Variants in CYLD observed in about 807,000 individuals in gnomAD.
CYLD encodes the protein CYLD lysine 63 deubiquitinase, also known as ubiquitin carboxyl-terminal hydrolase CYLD.
In CYLD, 26 loss-of-function variants were observed where a neutral mutation model predicts 104.5. That is an observed-to-expected ratio of 0.25 (90% CI 0.18 to 0.35). The LOEUF is 0.35. Ranked by LOEUF, CYLD falls within the 10% of genes least tolerant of loss-of-function variation. CYLD has a pLI of 1.00. For missense variants in CYLD, 703 were observed against 1,136.1 expected, an observed-to-expected ratio of 0.62 and a Z score of 5.48; for synonymous variants, 385 against 399.9, an observed-to-expected ratio of 0.96 and a Z score of 0.45.
At chr16:50,756,434 A>G (rs969885105) in intron 5 of CYLD, among the ~76,000 whole-genome samples, 1 of 152,232 alleles carries the variant, frequency 6.6e-6, no homozygotes, top group Non-Finnish European at 1.5e-5. Context: ...TTGATCAGGG[A>G]TCAGGACTCT....
chr16:50,760,651 C>G (rs1027670859), intron 5 of CYLD, among the ~76,000 whole-genome samples: 1 of 152,058 alleles, frequency 6.6e-6, no homozygotes, highest in African/African-American at 2.4e-5. Flanking sequence ...GTATAATTTT[C>G]CATTGTACGG....
rs555603514 is a variant in CYLD, at chr16:50,799,656, T to C, written c.*3148T>C. 1.2e-3 allele frequency: 275 copies of C among 233,538 alleles called. No homozygotes were observed. The highest frequency in any genetic ancestry group is 1.8e-3 in the Non-Finnish European group (217 of 117,966). 14.5% of individuals were successfully genotyped at this position (233,538 alleles called of 1,614,324 possible). A position where few individuals can be genotyped will look rare whatever the true frequency, so the allele number is the denominator to read the frequency against. On this transcript the variant is annotated 3_prime_UTR_variant, in exon 19 of 19. Transcript: ENST00000427738. ...AGATTTTGAGAACAAGGGGGAGAGA[T>C]AGTATGGAAGATTAAGATTCCATTA...
chr16:50,743,695 T>G (rs1965916762), intron 2 of CYLD, among the ~76,000 whole-genome samples: 1 of 152,212 alleles, frequency 6.6e-6, no homozygotes, highest in South Asian at 2.1e-4. Context: ...AAATTAGTTT[T>G]TTTTTCATTG....
rs1723289658 is a variant in CYLD at position 50,749,722 on chromosome 16, AG to A, written c.25del (p.Glu9LysfsTer38). 1 of 1,613,710 alleles carries A rather than the reference AG, an allele frequency of 6.2e-7. No homozygotes were observed. The highest frequency in any genetic ancestry group is 1.3e-5 in the African/African-American group (1 of 74,944). On this transcript the variant is annotated frameshift_variant, in exon 3 of 19. Coordinates refer to ENST00000427738, the MANE Select transcript of CYLD (RefSeq NM_001378743.1). LOFTEE classifies it high-confidence loss of function. MSSGLWSQ[E>X]KVTSPYWEER... ...CAATGAGTTCAGGCTTATGGAGCCA[AG>A]AAAAAGTCACTTCACCCTACTGGGA...
intron 5 of CYLD, among the ~76,000 whole-genome samples, chr16:50,772,570 G>A (rs1969267411): frequency 6.6e-6 from 1 of 152,284 alleles, no homozygotes; most frequent in South Asian, 2.1e-4. Context: ...TTTTATGCAT[G>A]TACCATAATT....
chr16:50,751,992 A>T (rs1308258931), intron 4 of CYLD, 86 bp downstream of exon 4: 1 of 99,920 alleles, frequency 1.0e-5, no homozygotes. Context: ...ATATATATAC[A>T]CACATATATA....
chr16:50,750,932 C>T (rs192602939), intron 3 of CYLD, among the ~76,000 whole-genome samples: 17 of 151,964 alleles, frequency 1.1e-4, no homozygotes, highest in African/African-American at 3.1e-4. Flanking sequence ...TTATTTCTAC[C>T]GGAAGGAGAC....
chr16:50,763,101 C>T (rs867502724), intron 5 of CYLD, among the ~76,000 whole-genome samples: 1 of 152,180 alleles, frequency 6.6e-6, no homozygotes. Context: ...CTGGACATTT[C>T]ATTTAAATGG....
chr16:50,753,069 C>G (rs1229078505), intron 4 of CYLD, among the ~76,000 whole-genome samples: 1 of 152,118 alleles, frequency 6.6e-6, no homozygotes, highest in Non-Finnish European at 1.5e-5. Context: ...CTCAGGTATA[C>G]TTTTTGGTTG....
chr16:50,782,221 A>C (rs1970289239), intron 10 of CYLD, 104 bp from the exon 11 acceptor site: 1 of 1,020,656 alleles, frequency 9.8e-7, no homozygotes, highest in Non-Finnish European at 1.4e-6. Context: ...ATTTTGCATC[A>C]AAATACAAAA....
chr16:50,754,875 G>GTGTA (rs1555505251), intron 5 of CYLD, among the ~76,000 whole-genome samples: 19 of 147,266 alleles, frequency 1.3e-4, no homozygotes, highest in African/African-American at 4.8e-4. Context: ...ACACACATAT[G>GTGTA]TATATATATA....
intron 5 of CYLD, among the ~76,000 whole-genome samples, chr16:50,769,662 G>A (rs1031824632): frequency 1.3e-5 from 2 of 152,088 alleles, no homozygotes; most frequent in Admixed American, 1.3e-4. Flanking sequence ...TTTTCCCAGC[G>A]GTAACATTAA....
chr16:50,783,982 C>A, intron 11 of CYLD: 1 of 309,698 alleles, frequency 3.2e-6, no homozygotes, highest in Non-Finnish European at 6.3e-6. Flanking sequence ...CCTCTGTTGT[C>A]TGTTTGTAAT....
chr16:50,782,317 CTT>C lies in CYLD; in HGVS notation c.1685-5_1685-4del. The C allele has an allele frequency of 6.3e-7, 1 of 1,581,466 alleles. No homozygotes were observed. The highest frequency in any genetic ancestry group is 1.4e-5 in the African/African-American group (1 of 73,508). ...TTTCATTTACTTTTTTTAAAAAAAT[CTT>C]TTCAGCATTTGGAGGCTACTTAAGT... On this transcript the variant is annotated splice_polypyrimidine_tract_variant and splice_region_variant and intron_variant, in intron 10 of 18. Coordinates refer to ENST00000427738, the MANE Select transcript of CYLD (RefSeq NM_001378743.1).
In CYLD at chr16:50,796,589, G is replaced by A. The variant is rs1275758699; in HGVS notation, c.*81G>A. 49 of 1,404,694 alleles carry A rather than the reference G, an allele frequency of 3.5e-5. No homozygotes were observed. Among genetic ancestry groups the A allele is most frequent in the East Asian group, 4.5e-5 (2 of 43,968 alleles). The allele number at this position is 1,404,694 out of a possible 1,614,324, so 87.0% of individuals were successfully genotyped here. Reference sequence around the variant, plus strand: ...TATTCGAGCTGGCAGTTCTGTTCACGTCCATTGCCGGCAATGGATGTCTTT... The same window carrying A: ...TATTCGAGCTGGCAGTTCTGTTCACATCCATTGCCGGCAATGGATGTCTTT... On this transcript the variant is annotated 3_prime_UTR_variant, in exon 19 of 19. Coordinates refer to ENST00000427738, the MANE Select transcript of CYLD (RefSeq NM_001378743.1).
chr16:50,751,945 TATTA>T (rs777590103), intron 4 of CYLD, 39 bp downstream of exon 4: 1 of 907,608 alleles, frequency 1.1e-6, no homozygotes, highest in Non-Finnish European at 1.6e-6. Flanking sequence ...GTGATATATA[TATTA>T]GTTTATATAT....
chr16:50,750,293 T>A, intron 3 of CYLD, 91 bp downstream of exon 3: 1 of 1,441,262 alleles, frequency 6.9e-7, no homozygotes, highest in Non-Finnish European at 9.7e-7. Flanking sequence ...TCTCCTTAAA[T>A]ACGAAATAAA....
intron 16 of CYLD, 117 bp from the exon 17 acceptor site, chr16:50,793,429 T>C: frequency 1.2e-6 from 1 of 803,218 alleles, no homozygotes; most frequent in Non-Finnish European, 2.2e-6. Context: ...AAAGAGACTT[T>C]TTTGAAGCCA....
In CYLD at chr16:50,749,983, G is replaced by A. The variant is rs1966487377; in HGVS notation, c.285G>A (p.Lys95=). 2 of 1,614,138 alleles carry A rather than the reference G, an allele frequency of 1.2e-6. No individual in the cohort carries two copies. Among genetic ancestry groups the A allele is most frequent in the Non-Finnish European group, 1.7e-6 (2 of 1,180,002 alleles). The change falls in exon 3 of 19, where the codon AAG becomes AAA. Residue 95 remains lysine (K), a synonymous_variant. Coordinates refer to ENST00000427738, the MANE Select transcript of CYLD (RefSeq NM_001378743.1). ...AGGATGTTGTAGAGATAAATGAAAA[G>A]TTCACAGAGTTACTTTTGGCAATTA... ...DEKDVVEINE[K]FTELLLAITN...
Sources: allele counts gnomAD v4.1 joint callset (sites outside exome capture counted in the v4.1 genomes callset), GRCh38; gene constraint gnomAD v4.1.1; transcripts MANE v1.5; gene names NCBI Gene and HGNC (gene_info 2026-07-23, HGNC 2026-07-21).